PLXNA4: variants seen among roughly 807,000 people sequenced by gnomAD.
PLXNA4 encodes plexin-A4.
A neutral mutation model predicts 191.8 loss-of-function variants in PLXNA4; 44 were observed. That is an observed-to-expected ratio of 0.23 (90% CI 0.18 to 0.29). The LOEUF is 0.29. PLXNA4 is among the 10% of genes least tolerant of loss of function. The probability of loss-of-function intolerance (pLI) is 1.00; values close to 1 mark genes in which losing one functional copy is unlikely to be tolerated. For missense variants in PLXNA4, 1,800 were observed against 2,488.8 expected (o/e 0.72, Z 5.89); for synonymous variants, 1,082 against 1,009.5 (o/e 1.07, Z -1.36).
At chr7:132,347,592 T>C (rs1803297450) in intron 3 of PLXNA4, among the ~76,000 whole-genome samples, 1 of 152,080 alleles carries the variant, frequency 6.6e-6, no homozygotes, top group Admixed American at 6.5e-5. Flanking sequence ...TGGTAGGAAA[T>C]GGCAGCTGGG....
intron 2 of PLXNA4, among the ~76,000 whole-genome samples, chr7:132,495,013 C>A (rs766325813): frequency 1.6e-4 from 24 of 152,086 alleles, no homozygotes; most frequent in Admixed American, 3.9e-4. Context: ...CACCCCCAAC[C>A]CTAGGCCTCA....
intron 3 of PLXNA4, among the ~76,000 whole-genome samples, chr7:132,341,979 A>G (rs936478066): frequency 1.3e-5 from 2 of 151,928 alleles, no homozygotes; most frequent in African/African-American, 4.8e-5. Context: ...CTTTTGGGTG[A>G]CACCACTGCC....
chr7:132,450,631 A>C (rs187234807), intron 3 of PLXNA4, among the ~76,000 whole-genome samples: 1 of 152,320 alleles, frequency 6.6e-6, no homozygotes, highest in African/African-American at 2.4e-5. Context: ...CCCTGCCCTC[A>C]ACTGAAGTCA....
At chr7:132,512,671 C>T (rs945325829) in intron 1 of PLXNA4, among the ~76,000 whole-genome samples, 2 of 152,190 alleles carry the variant, frequency 1.3e-5, no homozygotes, top group African/African-American at 4.8e-5. Context: ...GGTGACACCC[C>T]GCCGAGCTTG....
chr7:132,196,020 G>C (rs1017597717), intron 13 of PLXNA4, among the ~76,000 whole-genome samples: 1 of 152,158 alleles, frequency 6.6e-6, no homozygotes, highest in Non-Finnish European at 1.5e-5. Context: ...CATGTTTGGT[G>C]TTTGAAACAA....
At chr7:132,388,753 C>T (rs1463684433) in intron 3 of PLXNA4, among the ~76,000 whole-genome samples, 1 of 152,200 alleles carries the variant, frequency 6.6e-6, no homozygotes, top group Non-Finnish European at 1.5e-5. Context: ...CTGTCTCAAC[C>T]TTTGGGTTGT....
In PLXNA4 at chr7:132,562,900, C is replaced by CCCT. The variant is rs1182140434; in HGVS notation, c.-87+13519_-87+13521dup. On this transcript the variant is annotated intron_variant, in intron 1 of 31. Transcript: ENST00000321063. ...CTCTTCTTTCTCTGCCTCCTTCTCC[C>CCCT]CCTCCTCCTCCTCTTCCTCCTCCTC... Among the ~76,000 whole-genome samples, 206 of 59,482 alleles carry CCCT rather than the reference C, an allele frequency of 3.5e-3. 5 individuals carry two copies. The highest frequency in any genetic ancestry group is 0.021 in the Middle Eastern group (1 of 48). 39.0% of individuals were successfully genotyped at this position (59,482 alleles called of 152,430 possible).
At chr7:132,445,900 A>T (rs184771505) in intron 3 of PLXNA4, among the ~76,000 whole-genome samples, 1 of 152,242 alleles carries the variant, frequency 6.6e-6, no homozygotes, top group East Asian at 1.9e-4. Context: ...AAGGTGGGAA[A>T]ATGAAGGTCA....
At chr7:132,606,190 T>C (rs372868273) in intron 2 of PLXNA4, among the ~76,000 whole-genome samples, 4 of 152,028 alleles carry the variant, frequency 2.6e-5, no homozygotes, top group African/African-American at 9.7e-5. Context: ...GCACGGAGAA[T>C]TGACAGCCAC....
In PLXNA4 at chr7:132,424,990, C is replaced by T. The variant is rs540450923; in HGVS notation, c.1371+64302G>A. Among the ~76,000 whole-genome samples the T allele has an allele frequency of 1.3e-5, 2 of 152,262 alleles. 1 individual carries two copies. The highest frequency in any genetic ancestry group is 4.1e-4 in the South Asian group (2 of 4,828). On this transcript the variant is annotated intron_variant, in intron 3 of 31. Transcript: ENST00000321063. ...CCTGGGTGGGTGAGCCGCTCACTGC[C>T]CCGCCCTACCCCAGCTGCCCTCTCT...
intron 3 of PLXNA4, among the ~76,000 whole-genome samples, chr7:132,403,502 G>A (rs1272913055): frequency 6.6e-6 from 1 of 152,182 alleles, no homozygotes; most frequent in Non-Finnish European, 1.5e-5. Flanking sequence ...AAAGTCTTCC[G>A]TGGATCCTCA....
intron 1 of PLXNA4, among the ~76,000 whole-genome samples, chr7:132,524,157 C>T (rs1331132670): frequency 6.6e-6 from 1 of 152,134 alleles, no homozygotes; most frequent in South Asian, 2.1e-4. Flanking sequence ...GAGATGGGGG[C>T]CTTGTAACTG....
At chr7:132,429,618 T>C (rs1297953370) in intron 3 of PLXNA4, among the ~76,000 whole-genome samples, 2 of 152,188 alleles carry the variant, frequency 1.3e-5, no homozygotes, top group Admixed American at 6.5e-5. Flanking sequence ...TTTCAAAACA[T>C]AAAAATCATT....
chr7:132,305,153 A>G (rs1001476958), intron 3 of PLXNA4, among the ~76,000 whole-genome samples: 4 of 152,136 alleles, frequency 2.6e-5, no homozygotes, highest in African/African-American at 4.8e-5. Flanking sequence ...GAGAGTGGTG[A>G]TAAGTGGGAC....
At chr7:132,647,514 A>G (rs1377929968) in intron 1 of PLXNA4, among the ~76,000 whole-genome samples, 2 of 151,096 alleles carry the variant, frequency 1.3e-5, no homozygotes, top group East Asian at 2.0e-4. Flanking sequence ...CATACACTCA[A>G]AAACACATGC....
At chr7:132,378,643 C>T (rs917608386) in intron 3 of PLXNA4, among the ~76,000 whole-genome samples, 4 of 152,112 alleles carry the variant, frequency 2.6e-5, no homozygotes, top group Non-Finnish European at 2.9e-5. Context: ...TCACCTAGGT[C>T]TGTGATCTCT....
rs2116813884 is a variant in PLXNA4, at chr7:132,353,015, T to C, written c.1372-54793A>G. Among the ~76,000 whole-genome samples the C allele has an allele frequency of 2.0e-5, 3 of 152,344 alleles. No homozygotes were observed. In the East Asian group the frequency reaches 5.8e-4, roughly 29 times the overall value. On this transcript the variant is annotated intron_variant, in intron 3 of 31. Transcript: ENST00000321063. ...AAAAATCCCAAATTCCTTAACATTTTCCACTAATATATGTGAACGTCGCCT... is the reference window on the plus strand; with the variant it reads ...AAAAATCCCAAATTCCTTAACATTTCCCACTAATATATGTGAACGTCGCCT...
At chr7:132,432,890 A>AT (rs1303563923) in intron 3 of PLXNA4, among the ~76,000 whole-genome samples, 8 of 152,032 alleles carry the variant, frequency 5.3e-5, no homozygotes, top group Non-Finnish European at 1.2e-4. Flanking sequence ...CCCTTTTAGC[A>AT]TTTTTTTCCC....
intron 1 of PLXNA4, among the ~76,000 whole-genome samples, chr7:132,562,997 C>T (rs1298749824): frequency 8.8e-6 from 1 of 114,222 alleles, no homozygotes; most frequent in Non-Finnish European, 1.8e-5. Context: ...TCCTCCTCCT[C>T]CTCCTTCTCC....
Sources: allele counts gnomAD v4.1 joint callset (sites outside exome capture counted in the v4.1 genomes callset), GRCh38; gene constraint gnomAD v4.1.1; transcripts MANE v1.5; gene names NCBI Gene and HGNC (gene_info 2026-07-23, HGNC 2026-07-21).